The following PHLDB2 variants were observed in gnomAD, a reference collection of about 807,000 sequenced individuals.
The protein encoded by PHLDB2 is pleckstrin homology like domain family B member 2.
PHLDB2 carries 71 observed loss-of-function variants against 123.6 expected under a neutral mutation model. The ratio of observed to expected loss-of-function variants is 0.57; its 90% CI spans 0.47 to 0.70. The LOEUF (loss-of-function observed/expected upper bound fraction) is 0.70. Ranked by LOEUF, PHLDB2 falls within the 30% of genes least tolerant of loss-of-function variation. The probability of loss-of-function intolerance (pLI) is 0.00; values close to 1 mark genes in which losing one functional copy is unlikely to be tolerated. For synonymous variants in PHLDB2, 547 were observed against 541.6 expected, an observed-to-expected ratio of 1.01 and a Z score of -0.14; for missense variants, 1,446 against 1,519.5, an observed-to-expected ratio of 0.95 and a Z score of 0.80.
In PHLDB2 at chr3:111,861,195, T is replaced by C. The variant is rs994872088; in HGVS notation, c.-15+1619T>C. 5.3e-5 allele frequency among the ~76,000 whole-genome samples: 8 copies of C among 152,230 alleles called. No homozygotes were observed. In the East Asian group the frequency reaches 1.5e-3, roughly 29 times the overall value. On this transcript the variant is annotated intron_variant, in intron 1 of 17. Coordinates refer to ENST00000431670, the MANE Select transcript of PHLDB2 (RefSeq NM_001134438.2). ...ACTATTTTAACAGAATGGCTATATC[T>C]CTCTTGCCGTTGCCTTCAATTGTGT...
At chr3:111,742,318 T>TA (rs1227981217) in intron 1 of PHLDB2, among the ~76,000 whole-genome samples, 1 of 152,152 alleles carries the variant, frequency 6.6e-6, no homozygotes, top group African/African-American at 2.4e-5. Context: ...TATATATATA[T>TA]TTTTTATTAT....
chr3:111,930,863 T>C (rs748756651), intron 5 of PHLDB2, among the ~76,000 whole-genome samples: 1 of 152,226 alleles, frequency 6.6e-6, no homozygotes, highest in Non-Finnish European at 1.5e-5. Context: ...GGGTCTCAGG[T>C]TTATGATTTC....
At chr3:111,918,262 A>G (rs183920976) in intron 3 of PHLDB2, among the ~76,000 whole-genome samples, 172 of 152,264 alleles carry the variant, frequency 1.1e-3, no homozygotes, top group Admixed American at 2.2e-3. Flanking sequence ...GAGTGTAACT[A>G]TGCACTCTCT....
At chr3:111,787,524 G>A (rs188817326) in intron 1 of PHLDB2, among the ~76,000 whole-genome samples, 149 of 152,258 alleles carry the variant, frequency 9.8e-4, no homozygotes, top group African/African-American at 2.7e-3. Flanking sequence ...ACTGTGGCCT[G>A]ACACTTGCTA....
chr3:111,887,326 G>A (rs750204615), intron 2 of PHLDB2, among the ~76,000 whole-genome samples: 6 of 152,114 alleles, frequency 3.9e-5, no homozygotes, highest in African/African-American at 7.2e-5. Flanking sequence ...TGGGCGTATC[G>A]TATTTGTTGA....
intron 1 of PHLDB2, among the ~76,000 whole-genome samples, chr3:111,822,276 T>C (rs1272349589): frequency 6.8e-6 from 1 of 146,346 alleles, no homozygotes; most frequent in Non-Finnish European, 1.5e-5. Context: ...TCTTTCTCTC[T>C]GTCTCTCTAT....
intron 12 of PHLDB2, 150 bp from the exon 13 acceptor site, chr3:111,961,958 T>C: frequency 1.4e-6 from 1 of 722,842 alleles, no homozygotes; most frequent in East Asian, 2.8e-5. Flanking sequence ...ACGGTGCTCT[T>C]TCTTTGATCT....
rs1410552630 is a variant in PHLDB2, at chr3:111,948,473, G to GA, written c.2488-456dup. 2.0e-5 allele frequency among the ~76,000 whole-genome samples: 3 copies of GA among 152,266 alleles called. No homozygotes were observed. The East Asian group carries it at 5.8e-4, about 29-fold the overall frequency. On this transcript the variant is annotated intron_variant, in intron 9 of 17. Coordinates refer to ENST00000431670, the MANE Select transcript of PHLDB2 (RefSeq NM_001134438.2). The stretch of plus-strand genomic sequence containing the variant: ...TTTTCCTCACACTTTAATTCATCAG[G>GA]AAACAGAAACGGTGAAAATCTAAGA...
intron 1 of PHLDB2, among the ~76,000 whole-genome samples, chr3:111,834,680 C>A (rs1576814446): frequency 6.6e-6 from 1 of 152,006 alleles, no homozygotes; most frequent in East Asian, 1.9e-4. Context: ...ATAGGGGATC[C>A]TTTAATAAAT....
intron 1 of PHLDB2, among the ~76,000 whole-genome samples, chr3:111,838,533 C>G (rs2063519975): frequency 6.6e-6 from 1 of 152,154 alleles, no homozygotes; most frequent in East Asian, 1.9e-4. Flanking sequence ...CAGAACCCTT[C>G]AGACAGTCAA....
chr3:111,950,245 A>G (rs560711524), intron 10 of PHLDB2, among the ~76,000 whole-genome samples: 11 of 152,218 alleles, frequency 7.2e-5, no homozygotes, highest in Non-Finnish European at 1.5e-4. Flanking sequence ...TTATCAACAC[A>G]AAATATTTTT....
chr3:111,888,978 T>G (rs2066328041), intron 2 of PHLDB2, among the ~76,000 whole-genome samples: 1 of 152,186 alleles, frequency 6.6e-6, no homozygotes, highest in South Asian at 2.1e-4. Context: ...ACAAAAATAC[T>G]TAAAGGTATC....
At chr3:111,840,892 T>C (rs1559862238) in intron 1 of PHLDB2, among the ~76,000 whole-genome samples, 1 of 152,184 alleles carries the variant, frequency 6.6e-6, no homozygotes, top group Non-Finnish European at 1.5e-5. Flanking sequence ...CCTCTCACAT[T>C]ATAATAATGC....
At chr3:111,855,158 C>T (rs1326276840), upstream of PHLDB2, among the ~76,000 whole-genome samples, 2 of 151,972 alleles carry the variant, frequency 1.3e-5, no homozygotes, top group Non-Finnish European at 2.9e-5. Context: ...GCTTTAGCCT[C>T]AACACTGTGC....
At chr3:111,923,414 C>T (rs536510963) in intron 5 of PHLDB2, among the ~76,000 whole-genome samples, 1 of 152,210 alleles carries the variant, frequency 6.6e-6, no homozygotes, top group Non-Finnish European at 1.5e-5. Context: ...TATCTCTCAT[C>T]TGAACTCAGT....
At chr3:111,961,325 G>A (rs756681320) in intron 12 of PHLDB2, among the ~76,000 whole-genome samples, 6 of 152,030 alleles carry the variant, frequency 3.9e-5, no homozygotes, top group South Asian at 2.1e-4. Context: ...GCATGACTCC[G>A]TCTCAAAAAA....
intron 12 of PHLDB2, chr3:111,958,609 G>T: frequency 2.3e-6 from 1 of 427,064 alleles, no homozygotes; most frequent in South Asian, 1.7e-5. Flanking sequence ...GGTTCCTTGT[G>T]TGGCTATGAT....
intron 8 of PHLDB2, among the ~76,000 whole-genome samples, chr3:111,944,692 T>G (rs987786878): frequency 5.3e-5 from 8 of 152,136 alleles, no homozygotes; most frequent in Non-Finnish European, 7.4e-5. Context: ...TTTGTTTTGT[T>G]TTTTCTTAGA....
rs1217464389 is a variant in PHLDB2 at position 111,859,578 on chromosome 3, T to A, written c.-15+2T>A. 1 of 985,134 alleles carries A rather than the reference T, an allele frequency of 1.0e-6. No homozygotes were observed. The highest frequency in any genetic ancestry group is 6.2e-5 in the Admixed American group (1 of 16,252). 61.0% of individuals were successfully genotyped at this position (985,134 alleles called of 1,614,324 possible). ...GGAACGGGCTGCACCAATGGCCAGG[T>A]GAGGAGGCGGCGGTGGTCGCCCGGG... On this transcript the variant is annotated splice_donor_variant, in intron 1 of 17. Coordinates refer to ENST00000431670, the MANE Select transcript of PHLDB2 (RefSeq NM_001134438.2). LOFTEE classifies it low-confidence loss of function (5UTR_SPLICE).
Sources: gnomAD v4.1 joint callset for allele counts (sites outside exome capture counted in the v4.1 genomes callset) on GRCh38, gnomAD v4.1.1 for gene constraint, MANE v1.5 for transcripts, NCBI Gene and HGNC (gene_info 2026-07-23, HGNC 2026-07-21) for gene names.